The following EPRS1 variants were observed in gnomAD, a reference collection of about 807,000 sequenced individuals.
The protein encoded by EPRS1 is glutamyl-prolyl-tRNA synthetase 1.
A neutral mutation model predicts 188.3 loss-of-function variants in EPRS1; 107 were observed. That is an observed-to-expected ratio of 0.57 (90% confidence interval 0.49 to 0.67). The LOEUF (loss-of-function observed/expected upper bound fraction) is 0.67, where lower values mean the gene tolerates loss of function less well. Among genes scored for constraint, EPRS1 ranks in the 30% least tolerant of loss-of-function variants. The probability of loss-of-function intolerance (pLI) is 0.00; values close to 1 mark genes in which losing one functional copy is unlikely to be tolerated. For missense variants in EPRS1, 1,577 were observed against 1,802.2 expected, an observed-to-expected ratio of 0.88 and a Z score of 2.26; for synonymous variants, 596 against 593.1, an observed-to-expected ratio of 1.00 and a Z score of -0.07.
chr1:219,988,307 TC>T (rs1661048612), intron 19 of EPRS1, among the ~76,000 whole-genome samples: 1 of 152,150 alleles, frequency 6.6e-6, no homozygotes, highest in South Asian at 2.1e-4. Context: ...AGGTCACTAT[TC>T]TGGATCTTAC....
intron 27 of EPRS1, among the ~76,000 whole-genome samples, chr1:219,978,938 A>ACG (rs1338284053): frequency 0.036 from 5,320 of 147,384 alleles, 301 homozygotes; most frequent in African/African-American, 0.13. Flanking sequence ...TATTTTTCAT[A>ACG]TGTGTGTGTA....
chr1:220,035,128 A>G (rs1452767195), intron 2 of EPRS1, 115 bp from the exon 3 acceptor site: 1 of 593,720 alleles, frequency 1.7e-6, no homozygotes, highest in Non-Finnish European at 3.0e-6. Flanking sequence ...TGTATTTTCT[A>G]CTATAGTAAA....
At chr1:219,979,761 A>G in intron 26 of EPRS1, 146 bp from the exon 27 acceptor site, 1 of 639,272 alleles carries the variant, frequency 1.6e-6, no homozygotes, top group Non-Finnish European at 2.7e-6. Flanking sequence ...AATTATAAGC[A>G]TAATTACCAT....
chr1:220,036,415 A>C (rs545742769), intron 2 of EPRS1, among the ~76,000 whole-genome samples: 1 of 152,274 alleles, frequency 6.6e-6, no homozygotes, highest in South Asian at 2.1e-4. Context: ...CACAATAACA[A>C]AGACATGGAA....
intron 28 of EPRS1, among the ~76,000 whole-genome samples, chr1:219,974,259 TAAC>T (rs1660733629): frequency 6.6e-6 from 1 of 152,190 alleles, no homozygotes; most frequent in Non-Finnish European, 1.5e-5. Flanking sequence ...TTTGTATTTC[TAAC>T]AAGTTTCCAA....
rs1225517988 is a variant in EPRS1, at chr1:219,979,609, T to C, written c.3718A>G (p.Thr1240Ala). The C allele has an allele frequency of 6.2e-7, 1 of 1,608,872 alleles. No homozygotes were observed. Among genetic ancestry groups the C allele is most frequent in the Non-Finnish European group, 8.5e-7 (1 of 1,175,504 alleles). Reference sequence around the variant, plus strand: ...AAATTCTGCCCTAAATGATGTGATGTTCCTCCCTAAAATAGAGAGAGAAAA... The same window carrying C: ...AAATTCTGCCCTAAATGATGTGATGCTCCTCCCTAAAATAGAGAGAGAAAA... ...SASGRAIQGG[T>A]SHHLGQNFSK... The change falls in exon 27 of 32, where the codon ACA becomes GCA. Residue 1240 changes from threonine (T) to alanine (A), a missense_variant. By Grantham distance (58) the Thr-to-Ala change is moderately conservative. This residue lies in a region of EPRS1 where 3 missense variants were observed against 16.9 expected (regional missense o/e 0.18). Transcript: ENST00000366923.
Position 219,981,322 on chromosome 1 carries a change from A to T in EPRS1, c.3453+56T>A. 41 of 1,003,902 alleles carry T rather than the reference A, an allele frequency of 4.1e-5. No homozygotes were observed. In the South Asian group the frequency reaches 5.3e-4, roughly 13 times the overall value. The allele number at this position is 1,003,902 out of a possible 1,614,324, so 62.2% of individuals were successfully genotyped here. A position where few individuals can be genotyped will look rare whatever the true frequency, so the allele number is the denominator to read the frequency against. On this transcript the variant is annotated intron_variant, in intron 24 of 31. Coordinates refer to ENST00000366923, the MANE Select transcript of EPRS1 (RefSeq NM_004446.3). ...AATAAAAACAAAATGTGCTTTAAAA[A>T]AAAAAAAAAAAAGAACATGAATAAT... is the stretch of plus-strand genomic sequence containing the variant.
intron 2 of EPRS1, among the ~76,000 whole-genome samples, chr1:220,036,155 G>A (rs1432039231): frequency 4.6e-5 from 7 of 152,132 alleles, no homozygotes; most frequent in African/African-American, 9.7e-5. Context: ...AGCCAAGATC[G>A]TGCCACTGCA....
chr1:220,018,588 T>TTG, intron 11 of EPRS1, 80 bp from the exon 12 acceptor site: 1 of 575,632 alleles, frequency 1.7e-6, no homozygotes, highest in Non-Finnish European at 2.7e-6. Context: ...TAAGCATGTT[T>TTG]AGAAAAAAAA....
chr1:220,043,808 G>A (rs1443319593), intron 1 of EPRS1, among the ~76,000 whole-genome samples: 2 of 152,206 alleles, frequency 1.3e-5, no homozygotes, highest in African/African-American at 2.4e-5. Flanking sequence ...GCCAAGGGAA[G>A]ACTAGGAAAC....
intron 1 of EPRS1, among the ~76,000 whole-genome samples, chr1:220,046,057 C>G (rs533126996): frequency 6.6e-6 from 1 of 152,304 alleles, no homozygotes; most frequent in South Asian, 2.1e-4. Context: ...GGGAGTTCAT[C>G]CCTCTGAGAA....
chr1:220,035,954 C>A (rs1425051281), intron 2 of EPRS1, among the ~76,000 whole-genome samples: 2 of 152,098 alleles, frequency 1.3e-5, no homozygotes, highest in African/African-American at 4.8e-5. Flanking sequence ...AATCCCGGCA[C>A]TTCGGGAGGC....
At chr1:219,976,457 C>A (rs570163565) in intron 28 of EPRS1, among the ~76,000 whole-genome samples, 1 of 152,314 alleles carries the variant, frequency 6.6e-6, no homozygotes, top group South Asian at 2.1e-4. Flanking sequence ...CACTACTATA[C>A]TAACTTGTAT....
intron 12 of EPRS1, among the ~76,000 whole-genome samples, chr1:220,012,576 A>C (rs1661624723): frequency 6.6e-6 from 1 of 152,236 alleles, no homozygotes; most frequent in Non-Finnish European, 1.5e-5. Flanking sequence ...GATCAGGCAT[A>C]TTTGGGAAAC....
At chr1:219,996,922 C>T in intron 18 of EPRS1, 61 bp downstream of exon 18, 2 of 1,494,286 alleles carry the variant, frequency 1.3e-6, no homozygotes, top group Non-Finnish European at 1.8e-6. Context: ...GATGAGACTA[C>T]TCTAAGCAGT....
intron 12 of EPRS1, among the ~76,000 whole-genome samples, chr1:220,016,298 T>A (rs10442692): frequency 6.7e-6 from 1 of 148,534 alleles, no homozygotes; most frequent in Non-Finnish European, 1.5e-5. Flanking sequence ...GAGCCCAGAT[T>A]GTGCCATTGC....
At chr1:220,019,943 A>G (rs1186618136) in intron 10 of EPRS1, 45 bp downstream of exon 10, 4 of 1,342,308 alleles carry the variant, frequency 3.0e-6, no homozygotes, top group Non-Finnish European at 4.3e-6. Context: ...TCACTGATCT[A>G]CTATGTCCTT....
At chr1:220,038,007 TAGAG>T (rs1482391915) in intron 2 of EPRS1, among the ~76,000 whole-genome samples, 3 of 151,446 alleles carry the variant, frequency 2.0e-5, no homozygotes, top group South Asian at 4.2e-4. Flanking sequence ...AAGGGGGAGA[TAGAG>T]AGCAGAAGTT....
intron 3 of EPRS1, 114 bp from the exon 4 acceptor site, chr1:220,033,772 T>G (rs1662127634): frequency 2.9e-6 from 2 of 680,800 alleles, no homozygotes; most frequent in Non-Finnish European, 5.1e-6. Context: ...ACTATGCTTT[T>G]CCTTTCTCAA....
Sources: allele counts gnomAD v4.1 joint callset (sites outside exome capture counted in the v4.1 genomes callset), GRCh38; gene constraint gnomAD v4.1.1; regional missense constraint gnomAD v4.1.1; transcripts MANE v1.5; gene names NCBI Gene and HGNC (gene_info 2026-07-23, HGNC 2026-07-21).